KAZN: variants seen among roughly 807,000 people sequenced by gnomAD.
KAZN encodes kazrin, periplakin interacting protein, also known as kazrin.
Under a neutral mutation model 87.4 loss-of-function variants are expected in KAZN, and 40 were observed. The observed-to-expected ratio is 0.46, with a 90% CI of 0.36 to 0.60. The LOEUF is 0.60. KAZN is among the 20% of genes least tolerant of loss of function. The pLI is 0.00. For synonymous variants in KAZN, 466 were observed against 458.3 expected, an observed-to-expected ratio of 1.02 and a Z score of -0.22; for missense variants, 898 against 1,073.9, an observed-to-expected ratio of 0.84 and a Z score of 2.29.
chr1:14,561,773 G>A (rs113538100), intron 2 of KAZN, among the ~76,000 whole-genome samples: 26 of 151,902 alleles, frequency 1.7e-4, no homozygotes, highest in Admixed American at 3.3e-4. Flanking sequence ...GCGTGGTGGC[G>A]GGCACCTGTA....
intron 1 of KAZN, among the ~76,000 whole-genome samples, chr1:14,871,648 C>T (rs1014932740): frequency 1.4e-4 from 7 of 48,410 alleles, no homozygotes; most frequent in Non-Finnish European, 2.8e-4. Context: ...ACATGAGCAG[C>T]AGTGTGTGTG....
intron 2 of KAZN, among the ~76,000 whole-genome samples, chr1:14,208,513 G>A (rs1646788919): frequency 6.6e-6 from 1 of 152,216 alleles, no homozygotes; most frequent in Non-Finnish European, 1.5e-5. Flanking sequence ...AAAGCCGGTA[G>A]TCTCTACTCT....
chr1:13,906,724 G>A (rs1160629530), intron 1 of KAZN, among the ~76,000 whole-genome samples: 28 of 152,206 alleles, frequency 1.8e-4, no homozygotes, highest in Non-Finnish European at 7.3e-5. Context: ...ACCTGGGACT[G>A]TCTCAGGGAC....
At chr1:13,961,843 A>G (rs916247629) in intron 1 of KAZN, among the ~76,000 whole-genome samples, 3 of 152,174 alleles carry the variant, frequency 2.0e-5, no homozygotes, top group African/African-American at 7.2e-5. Flanking sequence ...AAATGCTTCA[A>G]TACAGTAAGG....
At chr1:14,483,536 A>T (rs1669191278) in intron 2 of KAZN, among the ~76,000 whole-genome samples, 1 of 152,248 alleles carries the variant, frequency 6.6e-6, no homozygotes, top group Non-Finnish European at 1.5e-5. Context: ...TATTTTAAAG[A>T]GGTTTATTCT....
chr1:14,855,832 G>A (rs1052034889), intron 1 of KAZN, among the ~76,000 whole-genome samples: 16 of 152,162 alleles, frequency 1.1e-4, no homozygotes, highest in Admixed American at 9.8e-4. Context: ...TTGCAACCGC[G>A]CTAAGCCATC....
At position 15,094,031 on chromosome 1, in the gene KAZN, CA is replaced by C; in HGVS notation, c.1223-144del. On this transcript the variant is annotated intron_variant, in intron 8 of 14. Transcript: ENST00000376030. The surrounding 1 kb of genome is among the most constrained non-coding windows in gnomAD (Gnocchi z 4.5). ...TGTAATGGGGGCAAGGGCAGAAAAACAAAAACGCCAAAAGCCACTTTGATTT... is the reference window on the plus strand; with the variant it reads ...TGTAATGGGGGCAAGGGCAGAAAAACAAAACGCCAAAAGCCACTTTGATTT... 1 of 650,534 alleles carries C rather than the reference CA, an allele frequency of 1.5e-6. No individual in the cohort carries two copies. The highest frequency in any genetic ancestry group is 2.6e-6 in the Non-Finnish European group (1 of 385,678). The allele number at this position is 650,534 out of a possible 1,614,324, so 40.3% of individuals were successfully genotyped here.
intron 2 of KAZN, among the ~76,000 whole-genome samples, chr1:14,986,832 C>A (rs1018828276): frequency 1.3e-5 from 2 of 152,194 alleles, no homozygotes; most frequent in African/African-American, 4.8e-5. Context: ...ATCACTGTGC[C>A]TGCCCTCACC....
chr1:14,703,167 T>C (rs988293041), intron 1 of KAZN, among the ~76,000 whole-genome samples: 1 of 152,188 alleles, frequency 6.6e-6, no homozygotes, highest in Admixed American at 6.5e-5. Context: ...ACAGGTTCCT[T>C]ACACTGCACA....
At chr1:14,322,456 C>T (rs577295966) in intron 2 of KAZN, among the ~76,000 whole-genome samples, 69 of 152,236 alleles carry the variant, frequency 4.5e-4, no homozygotes, top group Middle Eastern at 3.4e-3. Context: ...CTTCTTTGCT[C>T]CTTTGACAGC....
chr1:14,556,113 CTTTT>C (rs542038883), intron 2 of KAZN, among the ~76,000 whole-genome samples: 1 of 140,252 alleles, frequency 7.1e-6, no homozygotes, highest in Non-Finnish European at 1.5e-5. Flanking sequence ...GTTCTTTTTA[CTTTT>C]TTTTTTTTTT....
intron 2 of KAZN, among the ~76,000 whole-genome samples, chr1:14,295,397 C>G (rs576369354): frequency 6.6e-6 from 1 of 152,342 alleles, no homozygotes; most frequent in South Asian, 2.1e-4. Context: ...GCTTCTCCCT[C>G]TCATGCACAC....
chr1:14,842,717 G>C (rs890387694), intron 1 of KAZN, among the ~76,000 whole-genome samples: 1 of 152,112 alleles, frequency 6.6e-6, no homozygotes, highest in African/African-American at 2.4e-5. Context: ...AATTTGCAAG[G>C]GGATTTTCTT....
chr1:14,876,370 C>G (rs914558218), intron 1 of KAZN, among the ~76,000 whole-genome samples: 3 of 152,186 alleles, frequency 2.0e-5, no homozygotes, highest in African/African-American at 7.2e-5. Flanking sequence ...TTATGCAAGC[C>G]AGGAAAGGAA....
At chr1:14,868,603 C>G (rs1455411733) in intron 1 of KAZN, among the ~76,000 whole-genome samples, 1 of 151,704 alleles carries the variant, frequency 6.6e-6, no homozygotes, top group Non-Finnish European at 1.5e-5. Flanking sequence ...CCCAGAACAT[C>G]TGGGCAGACT....
At chr1:14,227,345 A>T (rs1041559992) in intron 2 of KAZN, among the ~76,000 whole-genome samples, 1 of 152,072 alleles carries the variant, frequency 6.6e-6, no homozygotes. Flanking sequence ...CTTCCCCGTG[A>T]TGTCTGGGGC....
rs1312125135 is a variant in KAZN at position 14,501,630 on chromosome 1, A to T, written c.250-97353A>T. The stretch of plus-strand genomic sequence containing the variant: ...ACACTAAGGACTACAAAACATGTTG[A>T]TGGAAATTAAGGAAGACTGAAATAG... On this transcript the variant is annotated intron_variant, in intron 2 of 16. Coordinates refer to the KAZN transcript ENST00000636203. 2.0e-5 allele frequency among the ~76,000 whole-genome samples: 3 copies of T among 152,232 alleles called. No homozygotes were observed. The East Asian group carries it at 5.8e-4, about 29-fold the overall frequency.
At chr1:13,923,972 C>T (rs2100911911) in intron 1 of KAZN, among the ~76,000 whole-genome samples, 1 of 151,818 alleles carries the variant, frequency 6.6e-6, no homozygotes, top group Admixed American at 6.6e-5. Flanking sequence ...CCCTGGATGG[C>T]CCGTCGGGCA....
At chr1:14,924,512 G>C in intron 1 of KAZN, 2 of 1,003,552 alleles carry the variant, frequency 2.0e-6, no homozygotes, top group Non-Finnish European at 2.4e-6. Flanking sequence ...GGCGGGGCCC[G>C]GCGATCGGCC....
Sources: allele counts gnomAD v4.1 joint callset (sites outside exome capture counted in the v4.1 genomes callset), GRCh38; gene constraint gnomAD v4.1.1; non-coding constraint Gnocchi (gnomAD v3.1); transcripts MANE v1.5; gene names NCBI Gene and HGNC (gene_info 2026-07-23, HGNC 2026-07-21).